Variants in ASTN2 observed in about 807,000 individuals in gnomAD.
The protein encoded by ASTN2 is astrotactin 2, also known as astrotactin-2.
In ASTN2, 54 loss-of-function variants were observed where a neutral mutation model predicts 139.8. The observed-to-expected ratio is 0.39, with a 90% confidence interval of 0.31 to 0.48. The LOEUF is 0.48. Among genes scored for constraint, ASTN2 ranks in the 20% least tolerant of loss-of-function variants. ASTN2 has a pLI of 0.95. For missense variants in ASTN2, 1,565 were observed against 1,725.1 expected (o/e 0.91, Z 1.64); for synonymous variants, 756 against 719.5 (o/e 1.05, Z -0.81).
chr9:116,840,415 G>C (rs1832178514), intron 11 of ASTN2, among the ~76,000 whole-genome samples: 2 of 150,518 alleles, frequency 1.3e-5, no homozygotes, highest in Non-Finnish European at 3.0e-5. Context: ...CGGGGTGGTG[G>C]CCAGGCAGAG....
At chr9:116,556,631 G>A (rs1263273269) in intron 19 of ASTN2, among the ~76,000 whole-genome samples, 2 of 152,144 alleles carry the variant, frequency 1.3e-5, no homozygotes, top group African/African-American at 4.8e-5. Flanking sequence ...GTGAAAAGAG[G>A]TTGACAATGA....
chr9:116,505,270 G>C (rs1330903483), intron 19 of ASTN2, among the ~76,000 whole-genome samples: 2 of 151,766 alleles, frequency 1.3e-5, no homozygotes. Flanking sequence ...GAACCATCTA[G>C]ATCATGAATC....
chr9:116,980,402 AG>A (rs1836479674), intron 7 of ASTN2, among the ~76,000 whole-genome samples: 1 of 152,014 alleles, frequency 6.6e-6, no homozygotes, highest in South Asian at 2.1e-4. Flanking sequence ...AAAAAAAAAA[AG>A]AAAAGTGTTT....
intron 16 of ASTN2, among the ~76,000 whole-genome samples, chr9:116,682,077 A>G (rs1469851286): frequency 1.3e-5 from 2 of 151,714 alleles, no homozygotes; most frequent in Non-Finnish European, 3.0e-5. Flanking sequence ...CTACCATCAG[A>G]GTGAACAGGC....
intron 3 of ASTN2, among the ~76,000 whole-genome samples, chr9:117,203,605 T>C (rs1831806921): frequency 6.6e-6 from 1 of 152,016 alleles, no homozygotes; most frequent in African/African-American, 2.4e-5. Context: ...AATAGTCAGG[T>C]CCTTCTTCCG....
chr9:116,736,860 T>C (rs1045840263), intron 13 of ASTN2, among the ~76,000 whole-genome samples: 1 of 152,180 alleles, frequency 6.6e-6, no homozygotes, highest in African/African-American at 2.4e-5. Flanking sequence ...CATGTCCCTC[T>C]CTTCCAATCC....
chr9:116,699,306 G>A lies in ASTN2; in HGVS notation c.2806+26465C>T, dbSNP rs752667526. ...TGTGCGGCCCAAATTTGTCACCTGT[G>A]ATGCTGAGGGCACCGTCTACTTCAC... On this transcript the variant is annotated intron_variant, in intron 16 of 22. Coordinates refer to ENST00000313400, the MANE Select transcript of ASTN2 (RefSeq NM_001365068.1). The surrounding 1 kb of genome is among the most constrained non-coding windows in gnomAD (Gnocchi z 4.2). 6.2e-7 allele frequency: 1 copy of A among 1,614,216 alleles called. No individual in the cohort carries two copies. The highest frequency in any genetic ancestry group is 8.5e-7 in the Non-Finnish European group (1 of 1,180,048).
At chr9:116,653,973 C>A (rs1014016385) in intron 16 of ASTN2, among the ~76,000 whole-genome samples, 5 of 152,222 alleles carry the variant, frequency 3.3e-5, no homozygotes, top group South Asian at 2.1e-4. Context: ...GGCATCCCAG[C>A]AGCTAGAGAC....
intron 4 of ASTN2, among the ~76,000 whole-genome samples, chr9:117,116,582 T>TA (rs991964849): frequency 6.9e-6 from 1 of 145,264 alleles, no homozygotes; most frequent in Non-Finnish European, 1.5e-5. Context: ...ATCAAAAGTT[T>TA]TTTTTTTTTT....
chr9:116,473,817 G>A (rs1191292471), intron 20 of ASTN2, among the ~76,000 whole-genome samples: 3 of 151,868 alleles, frequency 2.0e-5, no homozygotes, highest in East Asian at 1.9e-4. Flanking sequence ...CAGGAGAATC[G>A]CTTGAACCCA....
At chr9:116,865,539 G>A (rs1832993720) in intron 10 of ASTN2, among the ~76,000 whole-genome samples, 1 of 151,772 alleles carries the variant, frequency 6.6e-6, no homozygotes, top group South Asian at 2.1e-4. Flanking sequence ...CCTGCAGGGA[G>A]CTCTGGAGCT....
chr9:117,247,082 T>TC (rs1367403681), intron 2 of ASTN2, among the ~76,000 whole-genome samples: 3 of 152,038 alleles, frequency 2.0e-5, no homozygotes, highest in African/African-American at 7.2e-5. Context: ...AGGAGGGAGA[T>TC]CACGGCAGGC....
intron 17 of ASTN2, among the ~76,000 whole-genome samples, chr9:116,639,454 T>C (rs535781834): frequency 9.2e-5 from 14 of 152,200 alleles, no homozygotes; most frequent in Non-Finnish European, 1.9e-4. Context: ...TTTTTTTTCT[T>C]CTTAGATTAG....
In ASTN2 at chr9:116,507,173, G is replaced by A. The variant is rs190903447; in HGVS notation, c.3356-19673C>T. Among the ~76,000 whole-genome samples the A allele has an allele frequency of 1.3e-4, 20 of 152,246 alleles. 1 individual carries two copies. Among genetic ancestry groups the A allele is most frequent in the East Asian group, 9.7e-4 (5 of 5,170 alleles). ...AAATGGAGACGCAACATCAGTGAGC[G>A]TCTCCAAACTTACACCAATAGTGAG... On this transcript the variant is annotated intron_variant, in intron 19 of 22. Transcript: ENST00000313400.
intron 3 of ASTN2, among the ~76,000 whole-genome samples, chr9:117,147,494 G>A (rs971925268): frequency 6.7e-6 from 1 of 150,128 alleles, no homozygotes; most frequent in Non-Finnish European, 1.5e-5. Flanking sequence ...CTTCCCCCAC[G>A]CAACCACCCA....
chr9:116,777,483 T>C (rs1339204374), intron 13 of ASTN2, among the ~76,000 whole-genome samples: 1 of 152,072 alleles, frequency 6.6e-6, no homozygotes, highest in Non-Finnish European at 1.5e-5. Context: ...ATTCCAAGAA[T>C]TGGTATACTC....
intron 19 of ASTN2, among the ~76,000 whole-genome samples, chr9:116,594,617 G>A (rs1318527974): frequency 2.0e-5 from 3 of 152,136 alleles, no homozygotes; most frequent in Non-Finnish European, 4.4e-5. Flanking sequence ...GTACTCATTG[G>A]ATGTCATTTC....
chr9:116,886,767 G>C (rs565249728), intron 10 of ASTN2, among the ~76,000 whole-genome samples: 2 of 152,286 alleles, frequency 1.3e-5, no homozygotes, highest in South Asian at 4.1e-4. Flanking sequence ...TTACATGATA[G>C]GTACTGCTCT....
At chr9:116,520,688 AT>A (rs1280294915) in intron 19 of ASTN2, among the ~76,000 whole-genome samples, 12 of 152,144 alleles carry the variant, frequency 7.9e-5, no homozygotes, top group African/African-American at 2.9e-4. Context: ...AGGGCATCAA[AT>A]TGGTAAAGTG....
Sources: gnomAD v4.1 joint callset for allele counts (sites outside exome capture counted in the v4.1 genomes callset) on GRCh38, gnomAD v4.1.1 for gene constraint, Gnocchi (gnomAD v3.1) non-coding constraint, MANE v1.5 for transcripts, NCBI Gene and HGNC (gene_info 2026-07-23, HGNC 2026-07-21) for gene names.